The following FCF1 variants were observed in gnomAD, a reference collection of about 807,000 sequenced individuals.
FCF1 encodes FCF1 rRNA-processing protein.
In FCF1, 17 loss-of-function variants were observed where a neutral mutation model predicts 32.5. The observed-to-expected ratio is 0.52, with a 90% CI of 0.36 to 0.78. The LOEUF is 0.78. FCF1 is among the 30% of genes least tolerant of loss of function. The probability of loss-of-function intolerance (pLI) is 0.00; values close to 1 mark genes in which losing one functional copy is unlikely to be tolerated. For missense variants in FCF1, 201 were observed against 241.1 expected (o/e 0.83, Z 1.10); for synonymous variants, 84 against 78.4 (o/e 1.07, Z -0.38).
At chr14:74,725,668 C>G (rs1265436734) in intron 5 of FCF1, among the ~76,000 whole-genome samples, 1 of 151,990 alleles carries the variant, frequency 6.6e-6, no homozygotes, top group Non-Finnish European at 1.5e-5. Flanking sequence ...GGCGCAGTGG[C>G]TCACGCCTGT....
chr14:74,717,547 T>G (rs1460602831), intron 4 of FCF1, among the ~76,000 whole-genome samples: 1 of 152,214 alleles, frequency 6.6e-6, no homozygotes, highest in Non-Finnish European at 1.5e-5. Context: ...TTTAAAGCTA[T>G]ATACATAAAC....
intron 5 of FCF1, among the ~76,000 whole-genome samples, chr14:74,728,894 TG>T (rs2140035572): frequency 6.6e-6 from 1 of 152,276 alleles, no homozygotes; most frequent in South Asian, 2.1e-4. Context: ...GTTTATATGC[TG>T]GATTACATTT....
rs2090453755 is a variant in FCF1 at position 74,718,611 on chromosome 14, T to TTA, written c.292+2515_292+2516dup. Among the ~76,000 whole-genome samples, 3 of 151,818 alleles carry TTA rather than the reference T, an allele frequency of 2.0e-5. No homozygotes were observed. The South Asian group carries it at 6.2e-4, about 32-fold the overall frequency. ...GCCTCAGCCTCCCGAGTAGCTGGGA[T>TTA]TATAGGTGCATGCTGCCACTCCCAG... On this transcript the variant is annotated intron_variant, in intron 4 of 7. Transcript: ENST00000341162.
intron 4 of FCF1, among the ~76,000 whole-genome samples, chr14:74,722,385 C>A (rs1240934890): frequency 6.6e-6 from 1 of 152,134 alleles, no homozygotes; most frequent in African/African-American, 2.4e-5. Context: ...CTTTGCCACT[C>A]TTCTAGGTGC....
At chr14:74,713,659 T>C in intron 2 of FCF1, 107 bp downstream of exon 2, 1 of 981,524 alleles carries the variant, frequency 1.0e-6, no homozygotes, top group East Asian at 2.6e-5. Context: ...TATTATCGTG[T>C]CTTAGATTTA....
chr14:74,714,867 C>T lies in FCF1; in HGVS notation c.72-5C>T, dbSNP rs1450731358. 1 of 1,552,040 alleles carries T rather than the reference C, an allele frequency of 6.4e-7. No individual in the cohort carries two copies. Among genetic ancestry groups the T allele is most frequent in the Non-Finnish European group, 8.7e-7 (1 of 1,152,984 alleles). ...CTTGGATTTAATTTACCTTTTTCTTCCTAGTAAAGAAAAGGATAGATTAAA... is the reference window on the plus strand; with the variant it reads ...CTTGGATTTAATTTACCTTTTTCTTTCTAGTAAAGAAAAGGATAGATTAAA... On this transcript the variant is annotated splice_polypyrimidine_tract_variant and splice_region_variant and intron_variant, in intron 2 of 7. Coordinates refer to ENST00000341162, the MANE Select transcript of FCF1 (RefSeq NM_015962.5).
At chr14:74,727,876 A>G (rs959947844) in intron 5 of FCF1, among the ~76,000 whole-genome samples, 16 of 151,908 alleles carry the variant, frequency 1.1e-4, no homozygotes, top group African/African-American at 3.6e-4. Flanking sequence ...TCCTTTCCCC[A>G]TTGCTTTTCT....
chr14:74,729,085 C>T (rs565070920), intron 5 of FCF1, among the ~76,000 whole-genome samples: 10 of 152,026 alleles, frequency 6.6e-5, no homozygotes, highest in African/African-American at 1.9e-4. Context: ...TGTCTCTGCC[C>T]GGCTTTGGTA....
intron 4 of FCF1, among the ~76,000 whole-genome samples, chr14:74,719,455 A>C (rs906895669): frequency 2.0e-5 from 3 of 151,886 alleles, no homozygotes; most frequent in Admixed American, 2.0e-4. Flanking sequence ...CCGCATCTCT[A>C]CAAAAAAAAT....
Position 74,715,838 on chromosome 14 carries a change from C to T in FCF1, c.144-113C>T. 1.9e-6 allele frequency: 3 copies of T among 1,607,036 alleles called. No homozygotes were observed. The South Asian group carries it at 3.3e-5, about 18-fold the overall frequency. ...CTTTTTAGGATTTATTTCCAATGAA[C>T]ATGGACAAAAGAGTTTACAGCAAAC... On this transcript the variant is annotated intron_variant, in intron 3 of 7. Transcript: ENST00000341162.
intron 2 of FCF1, 94 bp from the exon 3 acceptor site, chr14:74,714,778 C>CA (rs35901005): frequency 0.069 from 87,372 of 1,270,158 alleles, 5 homozygotes; most frequent in Non-Finnish European, 0.078. Flanking sequence ...TTCAGTAGAC[C>CA]AAAAAAAAAA....
rs775359237 is a variant in FCF1 at position 74,713,192 on chromosome 14, G to T, written c.-6G>T. ...ATTACGGAAGAACCAGGAGTTTGGC[G>T]TGACCATGGTGAGAGAAGACGGTCC... On this transcript the variant is annotated 5_prime_UTR_variant, in exon 1 of 8. Transcript: ENST00000341162. 46 of 1,614,100 alleles carry T rather than the reference G, an allele frequency of 2.8e-5. No individual in the cohort carries two copies. The highest frequency in any genetic ancestry group is 3.8e-5 in the Non-Finnish European group (45 of 1,180,058).
chr14:74,734,192 A>T, intron 7 of FCF1, 22 bp downstream of exon 7: 1 of 1,388,372 alleles, frequency 7.2e-7, no homozygotes, highest in Middle Eastern at 2.0e-4. Flanking sequence ...CCCTTGGAGA[A>T]GGGAATAGAA....
chr14:74,729,559 G>A (rs1372026926), intron 5 of FCF1, among the ~76,000 whole-genome samples: 1 of 152,060 alleles, frequency 6.6e-6, no homozygotes, highest in Non-Finnish European at 1.5e-5. Flanking sequence ...ACCAGCTCCT[G>A]GATTCATTAA....
intron 5 of FCF1, among the ~76,000 whole-genome samples, chr14:74,725,829 G>T (rs1020743782): frequency 6.6e-6 from 1 of 151,642 alleles, no homozygotes; most frequent in Admixed American, 6.6e-5. Context: ...CCAGCTGCTG[G>T]GGAGGCTGAG....
At chr14:74,717,911 G>A (rs1282767416) in intron 4 of FCF1, among the ~76,000 whole-genome samples, 1 of 151,802 alleles carries the variant, frequency 6.6e-6, no homozygotes, top group Non-Finnish European at 1.5e-5. Flanking sequence ...GTCTTGCTTT[G>A]TCACCCAGGC....
At chr14:74,731,123 C>T (rs1351682015) in intron 5 of FCF1, among the ~76,000 whole-genome samples, 1 of 152,042 alleles carries the variant, frequency 6.6e-6, no homozygotes, top group Non-Finnish European at 1.5e-5. Flanking sequence ...TCATGATCCT[C>T]CACACCCAGC....
intron 4 of FCF1, among the ~76,000 whole-genome samples, chr14:74,720,777 G>A (rs1269518506): frequency 1.3e-5 from 2 of 151,944 alleles, no homozygotes; most frequent in East Asian, 3.9e-4. Context: ...AGCCTCCCAA[G>A]TAGCTGAGAC....
intron 5 of FCF1, among the ~76,000 whole-genome samples, chr14:74,732,118 G>T (rs1213460505): frequency 6.6e-6 from 1 of 151,368 alleles, no homozygotes; most frequent in African/African-American, 2.4e-5. Context: ...AAAGAGTATT[G>T]GAAAGAAGGA....
Sources: allele counts gnomAD v4.1 joint callset (sites outside exome capture counted in the v4.1 genomes callset), GRCh38; gene constraint gnomAD v4.1.1; transcripts MANE v1.5; gene names NCBI Gene and HGNC (gene_info 2026-07-23, HGNC 2026-07-21).